CCSER1: variants seen among roughly 807,000 people sequenced by gnomAD.
CCSER1 encodes coiled-coil serine rich protein 1, also known as serine-rich coiled-coil domain-containing protein 1.
In CCSER1, 41 loss-of-function variants were observed where a neutral mutation model predicts 82.0. That is an observed-to-expected ratio of 0.50 (90% CI 0.39 to 0.65). CCSER1 has a LOEUF of 0.65. CCSER1 is among the 30% of genes least tolerant of loss of function. The probability of loss-of-function intolerance (pLI) is 0.00; values close to 1 mark genes in which losing one functional copy is unlikely to be tolerated. For missense variants in CCSER1, 1,119 were observed against 1,064.2 expected, an observed-to-expected ratio of 1.05 and a Z score of -0.72; for synonymous variants, 414 against 383.9, an observed-to-expected ratio of 1.08 and a Z score of -0.92.
At chr4:91,141,371 C>T (rs758268492) in intron 10 of CCSER1, among the ~76,000 whole-genome samples, 5 of 152,064 alleles carry the variant, frequency 3.3e-5, no homozygotes, top group South Asian at 2.1e-4. Flanking sequence ...AGGGTGGTCT[C>T]GAACTCCTGA....
intron 10 of CCSER1, among the ~76,000 whole-genome samples, chr4:91,282,869 A>G (rs186783997): frequency 5.8e-4 from 88 of 152,266 alleles, no homozygotes; most frequent in Admixed American, 7.2e-4. Context: ...CAAATCTAAA[A>G]TTACTTAATC....
intron 1 of CCSER1, among the ~76,000 whole-genome samples, chr4:90,140,657 CTTTTTTTT>C (rs34194245): frequency 4.7e-4 from 30 of 63,648 alleles, no homozygotes; most frequent in Non-Finnish European, 6.1e-4. Context: ...TTTTGGTCTA[CTTTTTTTT>C]TTTTTTTTTT....
intron 9 of CCSER1, among the ~76,000 whole-genome samples, chr4:91,059,661 A>G (rs894149910): frequency 4.6e-5 from 7 of 151,856 alleles, no homozygotes; most frequent in Non-Finnish European, 1.0e-4. Flanking sequence ...GCGATCTGTA[A>G]TTACAGCAAT....
chr4:90,667,676 A>T (rs529350952), intron 6 of CCSER1, among the ~76,000 whole-genome samples: 1 of 151,558 alleles, frequency 6.6e-6, no homozygotes, highest in Admixed American at 6.6e-5. Context: ...ATGAACCCAT[A>T]CTCTTTCATG....
intron 5 of CCSER1, among the ~76,000 whole-genome samples, chr4:90,482,421 A>G (rs1437875885): frequency 1.3e-5 from 2 of 152,050 alleles, no homozygotes; most frequent in Admixed American, 6.6e-5. Flanking sequence ...TAGCTTTTGA[A>G]TGTGTTTGCT....
At chr4:90,775,457 T>G (rs1752775196) in intron 7 of CCSER1, among the ~76,000 whole-genome samples, 1 of 152,110 alleles carries the variant, frequency 6.6e-6, no homozygotes, top group African/African-American at 2.4e-5. Context: ...GGAGAGACGA[T>G]TTTTGAACTA....
chr4:90,948,450 T>C (rs1049170295), intron 9 of CCSER1, among the ~76,000 whole-genome samples: 1 of 151,876 alleles, frequency 6.6e-6, no homozygotes, highest in African/African-American at 2.4e-5. Flanking sequence ...TCAATTTTTT[T>C]CGTTTATTCT....
chr4:91,078,317 C>A (rs1322957300), intron 9 of CCSER1, among the ~76,000 whole-genome samples: 1 of 152,214 alleles, frequency 6.6e-6, no homozygotes, highest in African/African-American at 2.4e-5. Context: ...CAAACAGGGT[C>A]TGGAGTGGAC....
chr4:90,434,777 G>C (rs540923579), intron 4 of CCSER1, among the ~76,000 whole-genome samples: 20 of 152,214 alleles, frequency 1.3e-4, no homozygotes, highest in African/African-American at 3.9e-4. Flanking sequence ...TTAGTAGTTG[G>C]GGATTTGGTA....
intron 1 of CCSER1, among the ~76,000 whole-genome samples, chr4:90,166,647 G>A (rs116294514): frequency 0.019 from 2,883 of 151,972 alleles, 40 homozygotes; most frequent in Middle Eastern, 0.035. Flanking sequence ...CTGTGGTTTT[G>A]AAAATAATTT....
At chr4:90,254,172 A>G (rs553933039) in intron 1 of CCSER1, among the ~76,000 whole-genome samples, 1 of 152,276 alleles carries the variant, frequency 6.6e-6, no homozygotes, top group African/African-American at 2.4e-5. Flanking sequence ...TCTTTACAAC[A>G]GTGTCCCAAG....
At chr4:91,280,557 T>C (rs1742838615) in intron 10 of CCSER1, among the ~76,000 whole-genome samples, 1 of 152,100 alleles carries the variant, frequency 6.6e-6, no homozygotes, top group South Asian at 2.1e-4. Context: ...CCCAGAACCC[T>C]GGTGAAATGC....
At chr4:90,686,752 G>A (rs537012831) in intron 6 of CCSER1, among the ~76,000 whole-genome samples, 140 of 151,934 alleles carry the variant, frequency 9.2e-4, no homozygotes, top group Non-Finnish European at 1.8e-3. Context: ...AACCACACAC[G>A]AAAAAGGGTA....
intron 1 of CCSER1, among the ~76,000 whole-genome samples, chr4:90,224,938 T>C (rs1264392273): frequency 2.6e-5 from 4 of 152,174 alleles, no homozygotes; most frequent in Non-Finnish European, 5.9e-5. Context: ...AGTGGTTTAG[T>C]GTGCAGGCCC....
At chr4:91,533,095 A>T (rs571691794) in intron 10 of CCSER1, among the ~76,000 whole-genome samples, 66 of 152,270 alleles carry the variant, frequency 4.3e-4, no homozygotes, top group Non-Finnish European at 7.5e-4. Flanking sequence ...TAAATATATT[A>T]TTGTAAATGC....
intron 10 of CCSER1, among the ~76,000 whole-genome samples, chr4:91,288,147 C>CGT (rs1452011494): frequency 7.2e-5 from 6 of 83,098 alleles, no homozygotes; most frequent in South Asian, 4.4e-4. Flanking sequence ...TATATACACT[C>CGT]GTATATATAT....
chr4:91,289,807 G>A (rs1224375872), intron 10 of CCSER1, among the ~76,000 whole-genome samples: 1 of 151,946 alleles, frequency 6.6e-6, no homozygotes, highest in Non-Finnish European at 1.5e-5. Flanking sequence ...AAATGTTTGA[G>A]AAAAATGGCC....
chr4:90,488,113 G>T (rs1767402541), intron 5 of CCSER1, among the ~76,000 whole-genome samples: 1 of 152,190 alleles, frequency 6.6e-6, no homozygotes, highest in African/African-American at 2.4e-5. Flanking sequence ...TTCATCAATT[G>T]TGAGGAAATT....
intron 5 of CCSER1, among the ~76,000 whole-genome samples, chr4:90,543,969 T>G (rs562123596): frequency 6.6e-6 from 1 of 152,192 alleles, no homozygotes; most frequent in East Asian, 1.9e-4. Context: ...TTACAGATAT[T>G]GACAGAAAGA....
Sources: allele counts gnomAD v4.1 joint callset (sites outside exome capture counted in the v4.1 genomes callset), GRCh38; gene constraint gnomAD v4.1.1; transcripts MANE v1.5; gene names NCBI Gene and HGNC (gene_info 2026-07-23, HGNC 2026-07-21).